Variants in TOP1 observed in about 807,000 individuals in gnomAD.
TOP1 encodes the protein DNA topoisomerase 1.
Under a neutral mutation model 111.1 loss-of-function variants are expected in TOP1, and 10 were observed. That is an observed-to-expected ratio of 0.09 (90% CI 0.06 to 0.15). TOP1 has a LOEUF of 0.15. Among genes scored for constraint, TOP1 ranks in the 10% least tolerant of loss-of-function variants. The pLI is 1.00. For synonymous variants in TOP1, 271 were observed against 302.9 expected (o/e 0.89, Z 1.10); for missense variants, 474 against 926.7 (o/e 0.51, Z 6.34).
chr20:41,070,296 T>A (rs1765446005), intron 3 of TOP1, among the ~76,000 whole-genome samples: 1 of 152,214 alleles, frequency 6.6e-6, no homozygotes, highest in Non-Finnish European at 1.5e-5. Flanking sequence ...TTTGGGCACA[T>A]CCTTTTATCC....
At chr20:41,035,402 G>T (rs1238505804) in intron 2 of TOP1, among the ~76,000 whole-genome samples, 1 of 152,084 alleles carries the variant, frequency 6.6e-6, no homozygotes, top group Non-Finnish European at 1.5e-5. Flanking sequence ...TGTTTCTGTG[G>T]ATTCAAGGAG....
At chr20:41,045,362 A>C (rs1266114364) in intron 2 of TOP1, among the ~76,000 whole-genome samples, 1 of 152,116 alleles carries the variant, frequency 6.6e-6, no homozygotes, top group Non-Finnish European at 1.5e-5. Context: ...GTATGTCTAC[A>C]TTGTTTTATC....
At chr20:41,093,600 G>C (rs1443255003) in intron 9 of TOP1, among the ~76,000 whole-genome samples, 1 of 151,854 alleles carries the variant, frequency 6.6e-6, no homozygotes, top group Non-Finnish European at 1.5e-5. Flanking sequence ...GCCCCCCACT[G>C]TTTTCTTCTC....
chr20:41,073,175 A>G lies in TOP1; in HGVS notation c.156-2996A>G. The G allele has an allele frequency of 4.1e-6, 4 of 985,388 alleles. 1 individual carries two copies. The highest frequency in any genetic ancestry group is 9.4e-5 in the South Asian group (2 of 21,284). The allele number at this position is 985,388 out of a possible 1,614,324, so 61.0% of individuals were successfully genotyped here. A position where few individuals can be genotyped will look rare whatever the true frequency, so the allele number is the denominator to read the frequency against. ...GCAAAGCTGAAAACCGCAGGGCTAC[A>G]TGTACACTTGTAGGTACCTATGTTG... On this transcript the variant is annotated intron_variant, in intron 3 of 20. Transcript: ENST00000361337.
chr20:41,063,730 A>C (rs760347258), intron 3 of TOP1, among the ~76,000 whole-genome samples: 2 of 152,068 alleles, frequency 1.3e-5, no homozygotes, highest in Non-Finnish European at 2.9e-5. Flanking sequence ...GGCCATTTGT[A>C]TGTCATCTTT....
rs2122582705 is a variant in TOP1, at chr20:41,032,417, A to G, written c.58+2962A>G. ...AGAAACCATATCTAAGTCTAAGTGA[A>G]AAGACTTCCTAAGTATTGGTAGAAC... On this transcript the variant is annotated intron_variant, in intron 2 of 20. Coordinates refer to ENST00000361337, the MANE Select transcript of TOP1 (RefSeq NM_003286.4). The surrounding 1 kb of genome is among the most constrained non-coding windows in gnomAD (Gnocchi z 4.3). 6.6e-6 allele frequency among the ~76,000 whole-genome samples: 1 copy of G among 152,326 alleles called. No individual in the cohort carries two copies. Among genetic ancestry groups the G allele is most frequent in the South Asian group, 2.1e-4 (1 of 4,832 alleles).
chr20:41,123,125 A>T lies in TOP1; in HGVS notation c.2196-70A>T. On this transcript the variant is annotated intron_variant, in intron 20 of 20. Transcript: ENST00000361337. The surrounding 1 kb of genome is among the most constrained non-coding windows in gnomAD (Gnocchi z 5.8). ...TGTGAAAGAGAAGATGGAACATCTG[A>T]CCCTGGGCCTCAGATATGGGCCATT... The T allele has an allele frequency of 1.0e-6, 1 of 997,002 alleles. No homozygotes were observed. Among genetic ancestry groups the T allele is most frequent in the South Asian group, 1.3e-5 (1 of 74,292 alleles). 61.8% of individuals were successfully genotyped at this position (997,002 alleles called of 1,614,324 possible). A position where few individuals can be genotyped will look rare whatever the true frequency, so the allele number is the denominator to read the frequency against.
chr20:41,115,554 G>A lies in TOP1; in HGVS notation c.1707+115G>A. On this transcript the variant is annotated intron_variant, in intron 16 of 20. Coordinates refer to ENST00000361337, the MANE Select transcript of TOP1 (RefSeq NM_003286.4). This position sits in a 1 kb window ranked among gnomAD's most constrained non-coding sequence, Gnocchi z 6.3. ...CTCTCCCTTTAGCCTGGCCTGCTCT[G>A]TGGCATCCCATACACTCTCTCTTCC... 1.4e-6 allele frequency: 1 copy of A among 731,902 alleles called. No individual in the cohort carries two copies. The highest frequency in any genetic ancestry group is 3.0e-4 in the Middle Eastern group (1 of 3,284). The allele number at this position is 731,902 out of a possible 1,614,324, so 45.3% of individuals were successfully genotyped here.
At position 41,120,078 on chromosome 20, in the gene TOP1, G is replaced by A. The variant is rs117261948; in HGVS notation, c.1951-1618G>A. The stretch of plus-strand genomic sequence containing the variant: ...CTGTGTGCCCACAAAGCAAACACAC[G>A]CCCCTGTTTGCCAAGTGAATCAATG... On this transcript the variant is annotated intron_variant, in intron 18 of 20. Coordinates refer to ENST00000361337, the MANE Select transcript of TOP1 (RefSeq NM_003286.4). Among the ~76,000 whole-genome samples the A allele has an allele frequency of 5.9e-3, 899 of 152,300 alleles. 7 individuals carry two copies. Among genetic ancestry groups the A allele is most frequent in the South Asian group, 0.018 (89 of 4,826 alleles).
At position 41,060,343 on chromosome 20, in the gene TOP1, A is replaced by G. The variant is rs138970056; in HGVS notation, c.59-1051A>G. Among the ~76,000 whole-genome samples the G allele has an allele frequency of 7.0e-3, 1,072 of 152,390 alleles. 8 individuals carry two copies. Among genetic ancestry groups the G allele is most frequent in the Non-Finnish European group, 9.2e-3 (625 of 68,034 alleles). On this transcript the variant is annotated intron_variant, in intron 2 of 20. Transcript: ENST00000361337. ...ATAAAATGGAACCAACAACTGATATATCCAACAATGTGGATGAATGTCACA... is the reference window on the plus strand; with the variant it reads ...ATAAAATGGAACCAACAACTGATATGTCCAACAATGTGGATGAATGTCACA...
rs1401493294 is a variant in TOP1 at position 41,080,141 on chromosome 20, A to G, written c.392A>G (p.Glu131Gly). 6.2e-7 allele frequency: 1 copy of G among 1,611,460 alleles called. No individual in the cohort carries two copies. Among genetic ancestry groups the G allele is most frequent in the African/African-American group, 1.3e-5 (1 of 74,960 alleles). Residue 131 changes from glutamate (E) to glycine (G), a missense_variant, in exon 6 of 21, where the codon GAG becomes GGG. By Grantham distance (98) the Glu-to-Gly change is moderately conservative. Around this residue, in one of 14 missense-constraint regions of TOP1, gnomAD observed 185 missense variants for 226.3 expected, o/e 0.82. Transcript: ENST00000361337. The surrounding 1 kb of genome is among the most constrained non-coding windows in gnomAD (Gnocchi z 5.0). ...GATGGCTATTTTGTTCCTCCTAAAG[A>G]GGATATAAAGCCATTAAAGAGACCT... is the stretch of plus-strand genomic sequence containing the variant. ...EDDGYFVPPK[E>G]DIKPLKRPRD... is the part of the protein sequence containing the mutation.
intron 17 of TOP1, among the ~76,000 whole-genome samples, chr20:41,117,057 A>G (rs925285707): frequency 1.3e-5 from 2 of 152,196 alleles, no homozygotes; most frequent in African/African-American, 2.4e-5. Flanking sequence ...TTCTTTTTAA[A>G]TAAGATACTA....
intron 8 of TOP1, among the ~76,000 whole-genome samples, chr20:41,089,017 G>GTTTTTTTTTTTTTTTTTTTT (rs1290740653): frequency 2.9e-5 from 2 of 69,266 alleles, no homozygotes; most frequent in African/African-American, 1.6e-4. Flanking sequence ...TGTTGCCCCA[G>GTTTTTTTTTTTTTTTTTTTT]TTCTTTTTTT....
At position 41,032,489 on chromosome 20, in the gene TOP1, G is replaced by C. The variant is rs1349125118; in HGVS notation, c.58+3034G>C. On this transcript the variant is annotated intron_variant, in intron 2 of 20. Coordinates refer to ENST00000361337, the MANE Select transcript of TOP1 (RefSeq NM_003286.4). This position sits in a 1 kb window ranked among gnomAD's most constrained non-coding sequence, Gnocchi z 4.3. ...ATTATTACAGTACTGTACAGGCTGC[G>C]TAGCTATCTGTAGAATTGATAATGG... 6.6e-6 allele frequency among the ~76,000 whole-genome samples: 1 copy of C among 152,214 alleles called. No homozygotes were observed. The highest frequency in any genetic ancestry group is 1.5e-5 in the Non-Finnish European group (1 of 68,046).
At chr20:41,113,785 A>G (rs1256672045) in intron 14 of TOP1, among the ~76,000 whole-genome samples, 185 bp from the exon 15 acceptor site, 1 of 148,888 alleles carries the variant, frequency 6.7e-6, no homozygotes, top group Non-Finnish European at 1.5e-5. Context: ...TCGGAGGCTG[A>G]GGCAGGAGAA....
In TOP1 at chr20:41,110,154, G is replaced by A. The variant is rs939170273; in HGVS notation, c.1309-2628G>A. ...AATACAAAAATTAGCCGAGGGTGGC[G>A]CACACCTGTAATCTCAGCTATTCAG... On this transcript the variant is annotated intron_variant, in intron 13 of 20. Transcript: ENST00000361337. This position sits in a 1 kb window ranked among gnomAD's most constrained non-coding sequence, Gnocchi z 4.2. Among the ~76,000 whole-genome samples the A allele has an allele frequency of 5.3e-5, 8 of 152,100 alleles. No homozygotes were observed. The highest frequency in any genetic ancestry group is 6.5e-5 in the Admixed American group (1 of 15,274).
rs78221809 is a variant in TOP1 at position 41,098,136 on chromosome 20, T to C, written c.853-79T>C. 109,731 of 1,461,552 alleles carry C rather than the reference T, an allele frequency of 0.075. 4,563 individuals are homozygous for C. The highest frequency in any genetic ancestry group is 0.16 in the Middle Eastern group (891 of 5,736). 90.5% of individuals were successfully genotyped at this position (1,461,552 alleles called of 1,614,324 possible). A position where few individuals can be genotyped will look rare whatever the true frequency, so the allele number is the denominator to read the frequency against. ...TTTGACTGAAAAAATGGTGCTTGGG[T>C]GTATTTGCAAAGAAACCCAAGGACT... On this transcript the variant is annotated intron_variant, in intron 10 of 20. Coordinates refer to ENST00000361337, the MANE Select transcript of TOP1 (RefSeq NM_003286.4). This position sits in a 1 kb window ranked among gnomAD's most constrained non-coding sequence, Gnocchi z 5.7.
In TOP1 at chr20:41,116,360, C is replaced by T; in HGVS notation, c.1790C>T (p.Thr597Met). Residue 597 changes from threonine to methionine, a missense_variant, in exon 17 of 21, where the codon ACG (threonine) becomes ATG (methionine). By Grantham distance (81) the Thr-to-Met change is moderately conservative (BLOSUM62 -1). This residue lies in a region of TOP1 where 18 missense variants were observed against 88.6 expected (regional missense o/e 0.20). Coordinates refer to ENST00000361337, the MANE Select transcript of TOP1 (RefSeq NM_003286.4). The surrounding 1 kb of genome is among the most constrained non-coding windows in gnomAD (Gnocchi z 5.6). ...TTCCGTACATACAATGCCTCCATCA[C>T]GCTACAGCAGCAGCTAAAAGAACTG... is the stretch of plus-strand genomic sequence containing the variant. ...KVFRTYNASITLQQQLKELTA... is the reference protein window; with the variant it reads ...KVFRTYNASIMLQQQLKELTA... 6.2e-7 allele frequency: 1 copy of T among 1,614,020 alleles called. No homozygotes were observed. Among genetic ancestry groups the T allele is most frequent in the Non-Finnish European group, 8.5e-7 (1 of 1,179,998 alleles).
intron 9 of TOP1, among the ~76,000 whole-genome samples, chr20:41,093,174 C>T (rs898253389): frequency 2.6e-5 from 4 of 152,134 alleles, no homozygotes; most frequent in African/African-American, 9.7e-5. Context: ...TCAGAATTGT[C>T]CCTTATCTGT....
Sources: allele counts gnomAD v4.1 joint callset (sites outside exome capture counted in the v4.1 genomes callset), GRCh38; gene constraint gnomAD v4.1.1; regional missense constraint gnomAD v4.1.1; non-coding constraint Gnocchi (gnomAD v3.1); transcripts MANE v1.5; gene names NCBI Gene and HGNC (gene_info 2026-07-23, HGNC 2026-07-21).